Variants in ZNG1B observed in about 807,000 individuals in gnomAD.
ZNG1B encodes the protein zinc-regulated GTPase metalloprotein activator 1B.
the ZNG1B span, among the ~76,000 whole-genome samples, chr2:113,439,314 T>TCCCTCCTCC: frequency 6.6e-6 from 1 of 151,874 alleles, no homozygotes; most frequent in African/African-American, 2.4e-5. Flanking sequence ...TTTTTAAGGC[T>TCCCTCCTCC]CCCTCCTCCT....
chr2:113,445,826 T>C, the ZNG1B span, among the ~76,000 whole-genome samples: 1 of 149,968 alleles, frequency 6.7e-6, no homozygotes, highest in Non-Finnish European at 1.5e-5. Context: ...TCTGGGTCTC[T>C]GGCATTGGGG....
chr2:113,479,670 A>G, the ZNG1B span, among the ~76,000 whole-genome samples: 7 of 152,234 alleles, frequency 4.6e-5, no homozygotes, highest in Non-Finnish European at 1.0e-4. Flanking sequence ...CTAGTTAGCC[A>G]TGATCCCTTT....
the ZNG1B span, among the ~76,000 whole-genome samples, chr2:113,442,274 CTG>C: frequency 6.6e-5 from 10 of 151,998 alleles, no homozygotes; most frequent in African/African-American, 2.2e-4. Flanking sequence ...AAATATTAAA[CTG>C]TAGTCAAAAA....
At chr2:113,461,467 G>C in the ZNG1B span, among the ~76,000 whole-genome samples, 35 of 149,212 alleles carry the variant, frequency 2.3e-4, no homozygotes, top group African/African-American at 7.7e-4. Flanking sequence ...AAAATAGCCA[G>C]ATTGGATTTG....
chr2:113,438,696 C>G, the ZNG1B span, among the ~76,000 whole-genome samples: 20 of 151,880 alleles, frequency 1.3e-4, 1 homozygote, highest in South Asian at 4.2e-3. Context: ...TATGCACTTA[C>G]ACTAGAAGTT....
At chr2:113,462,901 G>GTTT in the ZNG1B span, 22 of 156,818 alleles carry the variant, frequency 1.4e-4, no homozygotes, top group Non-Finnish European at 1.9e-4. Context: ...TTCTTGTTCT[G>GTTT]TTTTTTTTTT....
the ZNG1B span, chr2:113,441,482 CTGTT>C: frequency 6.2e-7 from 1 of 1,609,946 alleles, no homozygotes; most frequent in South Asian, 1.1e-5. Flanking sequence ...TTTTGTGTGA[CTGTT>C]TATTCCTCTG....
At chr2:113,447,161 G>A in the ZNG1B span, among the ~76,000 whole-genome samples, 1 of 124,384 alleles carries the variant, frequency 8.0e-6, no homozygotes, top group African/African-American at 3.2e-5. Flanking sequence ...CGGGTGTGAT[G>A]TCACAGGCCT....
the ZNG1B span, among the ~76,000 whole-genome samples, chr2:113,489,909 A>T: frequency 6.7e-6 from 1 of 148,386 alleles, no homozygotes; most frequent in Non-Finnish European, 1.5e-5. Flanking sequence ...CAACACAATA[A>T]TAGTGAGGGA....
At chr2:113,455,604 A>G in the ZNG1B span, 3 of 1,287,090 alleles carry the variant, frequency 2.3e-6, no homozygotes, top group Admixed American at 2.3e-5. Flanking sequence ...CCACCCACTG[A>G]CCCGTTCCCA....
At chr2:113,473,972 G>T in the ZNG1B span, among the ~76,000 whole-genome samples, 1 of 149,794 alleles carries the variant, frequency 6.7e-6, no homozygotes, top group Non-Finnish European at 1.5e-5. Flanking sequence ...TCTCTGCCCG[G>T]CTTTGGTATC....
chr2:113,488,796 T>C, the ZNG1B span, among the ~76,000 whole-genome samples: 1 of 152,082 alleles, frequency 6.6e-6, no homozygotes, highest in Admixed American at 6.5e-5. Flanking sequence ...GTCTTCTAAT[T>C]AACCGAATCC....
the ZNG1B span, chr2:113,470,043 G>C: frequency 6.7e-6 from 1 of 150,124 alleles, no homozygotes; most frequent in Non-Finnish European, 1.5e-5. Context: ...CCAGGCTGGA[G>C]TGCAGTGGTG....
At chr2:113,485,579 A>T in the ZNG1B span, among the ~76,000 whole-genome samples, 1 of 148,112 alleles carries the variant, frequency 6.8e-6, no homozygotes, top group Admixed American at 6.8e-5. Flanking sequence ...TAGATTGACT[A>T]GAGAAACCTA....
the ZNG1B span, chr2:113,447,901 C>A: frequency 2.2e-6 from 1 of 452,962 alleles, no homozygotes; most frequent in Non-Finnish European, 4.4e-6. Context: ...CAGTTATTTC[C>A]TCCATTGAAG....
the ZNG1B span, among the ~76,000 whole-genome samples, chr2:113,442,561 TATC>T: frequency 0.025 from 3,773 of 152,264 alleles, 96 homozygotes; most frequent in East Asian, 0.12. Flanking sequence ...ACTGTTTTTT[TATC>T]ATCTTATTAA....
At chr2:113,457,697 A>T in the ZNG1B span, among the ~76,000 whole-genome samples, 99 of 143,990 alleles carry the variant, frequency 6.9e-4, 2 homozygotes, top group African/African-American at 2.4e-3. Context: ...CAATGTGTGA[A>T]TTACATTATA....
the ZNG1B span, among the ~76,000 whole-genome samples, chr2:113,490,385 A>G: frequency 2.0e-5 from 3 of 149,420 alleles, no homozygotes; most frequent in East Asian, 6.2e-4. Context: ...ATGGCCCTCA[A>G]TGCCTCCATC....
the ZNG1B span, among the ~76,000 whole-genome samples, chr2:113,441,073 A>C: frequency 6.6e-6 from 1 of 151,918 alleles, no homozygotes; most frequent in Admixed American, 6.6e-5. Flanking sequence ...TATAAATAAA[A>C]GATTGTGTGT....
Sources: allele counts gnomAD v4.1 joint callset (sites outside exome capture counted in the v4.1 genomes callset), GRCh38; gene constraint gnomAD v4.1.1; transcripts MANE v1.5; gene names NCBI Gene and HGNC (gene_info 2026-07-23, HGNC 2026-07-21).